PRKG2: variants seen among roughly 807,000 people sequenced by gnomAD.
PRKG2 encodes protein kinase cGMP-dependent 2, also known as cGMP-dependent protein kinase 2.
Under a neutral mutation model 97.2 loss-of-function variants are expected in PRKG2, and 33 were observed. That is an observed-to-expected ratio of 0.34 (90% confidence interval 0.26 to 0.45). PRKG2 has a LOEUF of 0.45. Ranked by LOEUF, PRKG2 falls within the 20% of genes least tolerant of loss-of-function variation. PRKG2 has a pLI of 1.00. For missense variants in PRKG2, 638 were observed against 900.0 expected (o/e 0.71, Z 3.73); for synonymous variants, 330 against 321.8 (o/e 1.03, Z -0.27).
chr4:81,149,006 C>T (rs1748123804), intron 8 of PRKG2, 54 bp from the exon 9 acceptor site: 1 of 1,526,588 alleles, frequency 6.6e-7, no homozygotes, highest in Non-Finnish European at 9.1e-7. Flanking sequence ...ATTAAACATC[C>T]ACTTTTATTA....
chr4:81,164,159 C>G (rs954228147), intron 6 of PRKG2, among the ~76,000 whole-genome samples: 13 of 152,138 alleles, frequency 8.5e-5, no homozygotes, highest in African/African-American at 3.1e-4. Context: ...TTGGGTGAGC[C>G]AATCATATAG....
intron 17 of PRKG2, among the ~76,000 whole-genome samples, chr4:81,104,039 C>A (rs1304583911): frequency 6.6e-6 from 1 of 151,696 alleles, no homozygotes; most frequent in African/African-American, 2.4e-5. Context: ...ATAAGAAAAA[C>A]AAACAAACAA....
intron 14 of PRKG2, among the ~76,000 whole-genome samples, chr4:81,128,025 G>A (rs1416112258): frequency 6.6e-6 from 1 of 152,082 alleles, no homozygotes; most frequent in African/African-American, 2.4e-5. Context: ...AGTTTATTGA[G>A]AGTTTTTAGC....
At chr4:81,096,125 G>T (rs1477108545) in intron 17 of PRKG2, among the ~76,000 whole-genome samples, 1 of 152,140 alleles carries the variant, frequency 6.6e-6, no homozygotes, top group Admixed American at 6.6e-5. Context: ...AGAGGCTGTG[G>T]TAATTTCTTA....
chr4:81,137,549 T>C (rs977248299), intron 12 of PRKG2, 67 bp from the exon 13 acceptor site: 31 of 1,241,938 alleles, frequency 2.5e-5, no homozygotes, highest in Non-Finnish European at 3.3e-5. Context: ...TAAAGTTGCT[T>C]AGAACTATCA....
chr4:81,135,771 G>T (rs1025162638), intron 13 of PRKG2, among the ~76,000 whole-genome samples: 15 of 151,704 alleles, frequency 9.9e-5, no homozygotes, highest in African/African-American at 2.9e-4. Flanking sequence ...TCTGTTTGGG[G>T]CCCCTTGATC....
rs1317206242 is a variant in PRKG2 at position 81,140,596 on chromosome 4, T to C, written c.1481A>G (p.Gln494Arg). ...CTTCTCTGAGTAGACATGCTCCTGC[T>C]GCTTGGTGTCAACTATGTGCTTCTT... ...IRKKHIVDTK[Q>R]QEHVYSEKRI... The change falls in exon 12 of 19, where the codon CAG becomes CGG. Residue 494 changes from glutamine to arginine, a missense_variant. Coordinates refer to ENST00000264399, the MANE Select transcript of PRKG2 (RefSeq NM_006259.3). 6.2e-7 allele frequency: 1 copy of C among 1,613,238 alleles called. No homozygotes were observed. The highest frequency in any genetic ancestry group is 8.5e-7 in the Non-Finnish European group (1 of 1,179,410).
chr4:81,210,445 A>G (rs1290932206), intron 1 of PRKG2, among the ~76,000 whole-genome samples: 1 of 152,142 alleles, frequency 6.6e-6, no homozygotes, highest in East Asian at 1.9e-4. Flanking sequence ...TAAGCATATA[A>G]AAAGAAACTC....
intron 8 of PRKG2, among the ~76,000 whole-genome samples, chr4:81,149,170 A>G (rs1748144862): frequency 6.6e-6 from 1 of 152,168 alleles, no homozygotes; most frequent in Non-Finnish European, 1.5e-5. Context: ...GGAGAAGAAG[A>G]TAATTGCACT....
At position 81,150,364 on chromosome 4, in the gene PRKG2, T is replaced by A. The variant is rs548458923; in HGVS notation, c.1086-1412A>T. Among the ~76,000 whole-genome samples the A allele has an allele frequency of 1.9e-3, 290 of 152,270 alleles. 1 individual carries two copies. The highest frequency in any genetic ancestry group is 6.8e-3 in the Middle Eastern group (2 of 294). On this transcript the variant is annotated intron_variant, in intron 8 of 18. Transcript: ENST00000264399. ...AGTGCCATAGATTTATTTTTGCACA[T>A]AAAATTCTGAAAGAACTCCAGGGAC...
intron 16 of PRKG2, 41 bp from the exon 17 acceptor site, chr4:81,104,473 AT>A (rs1468398225): frequency 1.1e-6 from 1 of 918,900 alleles, no homozygotes; most frequent in Non-Finnish European, 1.5e-6. Context: ...TAATAATTAT[AT>A]TTATAATAAT....
intron 6 of PRKG2, among the ~76,000 whole-genome samples, chr4:81,159,590 C>A (rs1208045621): frequency 6.6e-6 from 1 of 152,000 alleles, no homozygotes; most frequent in African/African-American, 2.4e-5. Context: ...ACCATTTGAC[C>A]CAGCCATCCT....
intron 6 of PRKG2, among the ~76,000 whole-genome samples, chr4:81,156,963 C>T (rs1189905041): frequency 6.6e-6 from 1 of 152,026 alleles, no homozygotes; most frequent in African/African-American, 2.4e-5. Context: ...ACTAAATGCC[C>T]ACAAGAGAAA....
chr4:81,132,269 C>A, intron 14 of PRKG2, among the ~76,000 whole-genome samples: 1 of 151,932 alleles, frequency 6.6e-6, no homozygotes, highest in Admixed American at 6.6e-5. Context: ...TCATACTTAC[C>A]TCTTGTTTCA....
intron 17 of PRKG2, among the ~76,000 whole-genome samples, chr4:81,097,767 T>G (rs907298162): frequency 1.3e-5 from 2 of 152,196 alleles, no homozygotes; most frequent in African/African-American, 4.8e-5. Context: ...TTAAACTTCA[T>G]GAACCAATTT....
chr4:81,158,795 A>C lies in PRKG2; in HGVS notation c.913-5074T>G, dbSNP rs142302444. 5.9e-5 allele frequency among the ~76,000 whole-genome samples: 9 copies of C among 152,210 alleles called. No individual in the cohort carries two copies. In the South Asian group the frequency reaches 1.9e-3, roughly 32 times the overall value. ...ATAGAGCCCTCAGAAATAACGTCAC[A>C]TATCTACAACCATCTGATCTTTGAG... On this transcript the variant is annotated intron_variant, in intron 6 of 18. Transcript: ENST00000264399.
Position 81,194,403 on chromosome 4 carries a change from C to CA in PRKG2, c.461+10183dup, listed in dbSNP as rs200600688. On this transcript the variant is annotated intron_variant, in intron 2 of 18. Coordinates refer to ENST00000264399, the MANE Select transcript of PRKG2 (RefSeq NM_006259.3). ...AGATAATTGTTTTTGAGTGATGAAC[C>CA]AAAAAAAAAAAAACCTAATAAATGC... is the stretch of plus-strand genomic sequence containing the variant. Among the ~76,000 whole-genome samples the CA allele has an allele frequency of 3.3e-3, 416 of 127,082 alleles. 3 individuals carry two copies. The highest frequency in any genetic ancestry group is 0.02 in the East Asian group (95 of 4,672). 83.4% of individuals were successfully genotyped at this position (127,082 alleles called of 152,430 possible). A position where few individuals can be genotyped will look rare whatever the true frequency, so the allele number is the denominator to read the frequency against.
At chr4:81,101,052 A>G (rs1578336270) in intron 17 of PRKG2, among the ~76,000 whole-genome samples, 1 of 152,138 alleles carries the variant, frequency 6.6e-6, no homozygotes, top group South Asian at 2.1e-4. Flanking sequence ...CGATCATTAA[A>G]AAGTCAGGAA....
At chr4:81,179,196 C>T (rs1346215965) in intron 2 of PRKG2, among the ~76,000 whole-genome samples, 1 of 151,132 alleles carries the variant, frequency 6.6e-6, no homozygotes. Context: ...CAAGCACAGA[C>T]AAGATGCATT....
Sources: gnomAD v4.1 joint callset for allele counts (sites outside exome capture counted in the v4.1 genomes callset) on GRCh38, gnomAD v4.1.1 for gene constraint, MANE v1.5 for transcripts, NCBI Gene and HGNC (gene_info 2026-07-23, HGNC 2026-07-21) for gene names.